The following PFKFB3 variants were observed in gnomAD, a reference collection of about 807,000 sequenced individuals.
PFKFB3 encodes 6-phosphofructo-2-kinase/fructose-2,6-biphosphatase 3.
Under a neutral mutation model 68.0 loss-of-function variants are expected in PFKFB3, and 33 were observed. That is an observed-to-expected ratio of 0.49 (90% CI 0.37 to 0.65). PFKFB3 has a LOEUF of 0.65. Ranked by LOEUF, PFKFB3 falls within the 30% of genes least tolerant of loss-of-function variation. The pLI, the probability that PFKFB3 is intolerant of heterozygous loss-of-function variation, is 0.00. For synonymous variants in PFKFB3, 315 were observed against 288.2 expected, an observed-to-expected ratio of 1.09 and a Z score of -0.94; for missense variants, 586 against 712.2, an observed-to-expected ratio of 0.82 and a Z score of 2.02.
At chr10:6,291,902 A>G in the PFKFB3 span, among the ~76,000 whole-genome samples, 943 of 150,804 alleles carry the variant, frequency 6.3e-3, 10 homozygotes, top group African/African-American at 0.022. Flanking sequence ...ATCTCTTACA[A>G]CCTACATACA....
chr10:6,177,429 CTTTT>C (rs1842533148), intron 1 of PFKFB3, among the ~76,000 whole-genome samples: 7 of 51,528 alleles, frequency 1.4e-4, no homozygotes, highest in Admixed American at 1.1e-3. Flanking sequence ...TTCTTCCTTT[CTTTT>C]CTTTCTCTTT....
At chr10:6,287,796 A>C in the PFKFB3 span, among the ~76,000 whole-genome samples, 1 of 152,072 alleles carries the variant, frequency 6.6e-6, no homozygotes, top group African/African-American at 2.4e-5. Flanking sequence ...ATTTTGAACA[A>C]ACTGCTATCT....
intron 14 of PFKFB3, among the ~76,000 whole-genome samples, chr10:6,247,743 G>T (rs1846290227): frequency 6.6e-6 from 1 of 152,170 alleles, no homozygotes; most frequent in African/African-American, 2.4e-5. Flanking sequence ...GTCTTGACAG[G>T]GGTGTCTCAT....
chr10:6,270,387 G>A, the PFKFB3 span, among the ~76,000 whole-genome samples: 2 of 152,100 alleles, frequency 1.3e-5, no homozygotes, highest in African/African-American at 4.8e-5. Flanking sequence ...TATTTTTGAG[G>A]TAACTGATTG....
chr10:6,159,059 C>G (rs927168370), intron 1 of PFKFB3, among the ~76,000 whole-genome samples: 8 of 152,082 alleles, frequency 5.3e-5, no homozygotes, highest in Non-Finnish European at 7.4e-5. Context: ...AAGCTACACT[C>G]AAATAGACAG....
intron 4 of PFKFB3, 99 bp from the exon 5 acceptor site, chr10:6,216,607 A>G (rs1844605130): frequency 5.8e-6 from 5 of 861,022 alleles, no homozygotes; most frequent in Non-Finnish European, 9.7e-6. Flanking sequence ...TTTGGGGCTT[A>G]TTCCTGGAGA....
intron 1 of PFKFB3, among the ~76,000 whole-genome samples, chr10:6,147,661 G>A (rs530114433): frequency 6.6e-6 from 1 of 152,270 alleles, no homozygotes; most frequent in East Asian, 1.9e-4. Flanking sequence ...GGCGGGCAGT[G>A]TGTAGCCTGC....
intron 14 of PFKFB3, among the ~76,000 whole-genome samples, chr10:6,230,536 G>A (rs879768631): frequency 2.6e-5 from 4 of 152,080 alleles, no homozygotes; most frequent in East Asian, 1.9e-4. Context: ...GGGGGATGAC[G>A]GCTGCTGTTG....
the PFKFB3 span, among the ~76,000 whole-genome samples, chr10:6,302,774 A>G: frequency 7.1e-6 from 1 of 140,548 alleles, no homozygotes; most frequent in African/African-American, 2.6e-5. Context: ...ACACACACAC[A>G]CACACATATA....
rs1313798286 is a variant in PFKFB3 at position 6,229,075 on chromosome 10, T to C, written c.1515+2710T>C. On this transcript the variant is annotated intron_variant, in intron 14 of 14. Transcript: ENST00000379775. This position sits in a 1 kb window ranked among gnomAD's most constrained non-coding sequence, Gnocchi z 4.3. ...ACACACCCGCCCCTTTATTTCCTGT[T>C]TGCTCCTTAAGTTACCTTAACTACT... 1.9e-6 allele frequency: 1 copy of C among 525,898 alleles called. No homozygotes were observed. Among genetic ancestry groups the C allele is most frequent in the East Asian group, 5.5e-5 (1 of 18,156 alleles). 32.6% of individuals were successfully genotyped at this position (525,898 alleles called of 1,614,324 possible). A position where few individuals can be genotyped will look rare whatever the true frequency, so the allele number is the denominator to read the frequency against.
the PFKFB3 span, among the ~76,000 whole-genome samples, chr10:6,272,653 C>G: frequency 2.6e-5 from 4 of 151,958 alleles, no homozygotes; most frequent in African/African-American, 4.8e-5. Flanking sequence ...CCAGATCGTG[C>G]CATTGAACTC....
At chr10:6,245,761 G>A (rs568871198) in intron 14 of PFKFB3, 1 of 152,266 alleles carries the variant, frequency 6.6e-6, no homozygotes, top group African/African-American at 2.4e-5. Context: ...CAATGGGAGT[G>A]GAGAGGAACA....
At chr10:6,213,892 T>A in intron 2 of PFKFB3, 144 bp downstream of exon 2, 1 of 814,166 alleles carries the variant, frequency 1.2e-6, no homozygotes, top group East Asian at 2.5e-5. Context: ...TGCAGCTGGG[T>A]CCCCTTCACA....
At chr10:6,147,633 G>A (rs1265817456) in intron 1 of PFKFB3, among the ~76,000 whole-genome samples, 1 of 152,264 alleles carries the variant, frequency 6.6e-6, no homozygotes, top group Non-Finnish European at 1.5e-5. Context: ...GACAGGGACT[G>A]TGGCCTCTGT....
At chr10:6,213,890 G>C in intron 2 of PFKFB3, 142 bp downstream of exon 2, 1 of 834,084 alleles carries the variant, frequency 1.2e-6, no homozygotes, top group Non-Finnish European at 1.9e-6. Flanking sequence ...CATGCAGCTG[G>C]GTCCCCTTCA....
chr10:6,277,517 G>A, the PFKFB3 span, among the ~76,000 whole-genome samples: 4 of 152,164 alleles, frequency 2.6e-5, no homozygotes, highest in South Asian at 2.1e-4. Flanking sequence ...CACCACACCC[G>A]GCCGTGGGGG....
chr10:6,205,974 A>AT (rs71390197), intron 1 of PFKFB3, among the ~76,000 whole-genome samples: 87,277 of 145,824 alleles, frequency 0.6, 26,482 homozygotes, highest in East Asian at 0.71. Flanking sequence ...ATTAAAAAAA[A>AT]TTTTTTTTTT....
the PFKFB3 span, among the ~76,000 whole-genome samples, chr10:6,314,852 C>T: frequency 1.1e-3 from 166 of 152,272 alleles, no homozygotes; most frequent in Non-Finnish European, 2.1e-3. Flanking sequence ...TAGGGATCTC[C>T]TGGGCTGGGT....
chr10:6,207,516 T>C (rs944659914), intron 1 of PFKFB3, among the ~76,000 whole-genome samples: 15 of 152,286 alleles, frequency 9.8e-5, no homozygotes, highest in Non-Finnish European at 8.8e-5. Context: ...GATCTCGAAC[T>C]CCTGGCCTCA....
Sources: gnomAD v4.1 joint callset for allele counts (sites outside exome capture counted in the v4.1 genomes callset) on GRCh38, gnomAD v4.1.1 for gene constraint, Gnocchi (gnomAD v3.1) non-coding constraint, MANE v1.5 for transcripts, NCBI Gene and HGNC (gene_info 2026-07-23, HGNC 2026-07-21) for gene names.